The following GAP43 variants were observed in gnomAD, a reference collection of about 807,000 sequenced individuals.
The protein encoded by GAP43 is growth associated protein 43.
A neutral mutation model predicts 18.6 loss-of-function variants in GAP43; 6 were observed. The observed-to-expected ratio is 0.32, with a 90% CI of 0.18 to 0.64. GAP43 has a LOEUF of 0.64. Among genes scored for constraint, GAP43 ranks in the 30% least tolerant of loss-of-function variants. The pLI, the probability that GAP43 is intolerant of heterozygous loss-of-function variation, is 0.78. For synonymous variants in GAP43, 115 were observed against 111.4 expected (o/e 1.03, Z -0.20); for missense variants, 292 against 295.5 (o/e 0.99, Z 0.09).
chr3:115,708,800 T>C (rs867075004), intron 2 of GAP43, among the ~76,000 whole-genome samples: 8 of 152,142 alleles, frequency 5.3e-5, no homozygotes, highest in Middle Eastern at 3.4e-3. Flanking sequence ...AGCATGGACC[T>C]GGTAAAGAAG....
chr3:115,640,122 T>C (rs1332436351), intron 1 of GAP43, among the ~76,000 whole-genome samples: 1 of 152,080 alleles, frequency 6.6e-6, no homozygotes, highest in Non-Finnish European at 1.5e-5. Context: ...GTTGGGATAG[T>C]GTTCACTCAA....
Position 115,676,504 on chromosome 3 carries a change from C to T in GAP43, c.522C>T (p.Val174=), listed in dbSNP as rs368877074. 3.7e-6 allele frequency: 6 copies of T among 1,613,814 alleles called. No individual in the cohort carries two copies. Among genetic ancestry groups the T allele is most frequent in the African/African-American group, 2.7e-5 (2 of 74,912 alleles). The stretch of plus-strand genomic sequence containing the variant: ...AACAAGCCGATGTGCCTGCTGCTGT[C>T]ACTGCTGCTGCTGCCACCACCCCTG... ...EPKQADVPAA[V]TAAAATTPAA... is the part of the protein sequence containing the mutation. The change falls in exon 2 of 3, where the codon GTC becomes GTT. Residue 174 remains valine, a synonymous_variant. Transcript: ENST00000305124.
At chr3:115,659,539 C>T (rs986482556) in intron 1 of GAP43, among the ~76,000 whole-genome samples, 1 of 151,864 alleles carries the variant, frequency 6.6e-6, no homozygotes, top group South Asian at 2.1e-4. Context: ...TTAAACACTA[C>T]GATGTGATGG....
Position 115,676,388 on chromosome 3 carries a change from G to T in GAP43, c.406G>T (p.Gly136Cys). The T allele has an allele frequency of 6.2e-7, 1 of 1,613,912 alleles. No individual in the cohort carries two copies. Among genetic ancestry groups the T allele is most frequent in the Non-Finnish European group, 8.5e-7 (1 of 1,179,870 alleles). Reference protein sequence around the residue: ...QAPASSEEKAGSAETESATKA... With the variant: ...QAPASSEEKACSAETESATKA... Reference sequence around the variant, plus strand: ...TCCTGCATCCTCAGAGGAGAAGGCCGGCTCAGCTGAGACAGAAAGTGCCAC... The same window carrying T: ...TCCTGCATCCTCAGAGGAGAAGGCCTGCTCAGCTGAGACAGAAAGTGCCAC... The change falls in exon 2 of 3, where the codon GGC becomes TGC. Residue 136 changes from glycine to cysteine, a missense_variant. Transcript: ENST00000305124.
chr3:115,664,095 T>C (rs1708701318), intron 1 of GAP43, among the ~76,000 whole-genome samples: 1 of 152,090 alleles, frequency 6.6e-6, no homozygotes, highest in African/African-American at 2.4e-5. Context: ...TAGAATTGAA[T>C]TAGTTAATAT....
chr3:115,638,525 T>A (rs961938840), intron 1 of GAP43, among the ~76,000 whole-genome samples: 16 of 149,088 alleles, frequency 1.1e-4, no homozygotes, highest in Middle Eastern at 3.4e-3. Context: ...TTTTTTTTTT[T>A]ATCTTTTTGG....
intron 1 of GAP43, among the ~76,000 whole-genome samples, chr3:115,628,203 T>C (rs539602726): frequency 6.6e-6 from 1 of 152,164 alleles, no homozygotes; most frequent in South Asian, 2.1e-4. Flanking sequence ...CTAGTCTTAG[T>C]TGAGCCTTCT....
chr3:115,660,528 G>A, intron 1 of GAP43, among the ~76,000 whole-genome samples: 1 of 152,192 alleles, frequency 6.6e-6, no homozygotes, highest in Non-Finnish European at 1.5e-5. Flanking sequence ...TTGGAGTCAG[G>A]TTGGGATATG....
intron 2 of GAP43, among the ~76,000 whole-genome samples, chr3:115,707,321 GGCAGGCTCTT>G (rs1226228430): frequency 1.3e-5 from 2 of 152,130 alleles, no homozygotes; most frequent in Non-Finnish European, 2.9e-5. Flanking sequence ...TTCTATTTGA[GGCAGGCTCTT>G]GCTCTGTCAC....
At chr3:115,642,012 A>T (rs186116916) in intron 1 of GAP43, among the ~76,000 whole-genome samples, 25 of 152,088 alleles carry the variant, frequency 1.6e-4, no homozygotes, top group African/African-American at 6.0e-4. Context: ...CATGGTGCAG[A>T]TGTTAGGAGG....
chr3:115,690,816 T>C (rs532969020), intron 2 of GAP43, among the ~76,000 whole-genome samples: 37 of 144,346 alleles, frequency 2.6e-4, no homozygotes, highest in Non-Finnish European at 4.5e-4. Flanking sequence ...AGTGCAGTGG[T>C]GCAATCTCAG....
Position 115,676,379 on chromosome 3 carries a change from G to A in GAP43, c.397G>A (p.Glu133Lys), listed in dbSNP as rs1277013159. The change falls in exon 2 of 3, where the codon GAG (glutamate) becomes AAG (lysine). Residue 133 changes from glutamate to lysine, a missense_variant. By Grantham distance (56) the Glu-to-Lys change is moderately conservative. Transcript: ENST00000305124. Reference sequence around the variant, plus strand: ...CCCCCAGGCTCCTGCATCCTCAGAGGAGAAGGCCGGCTCAGCTGAGACAGA... The same window carrying A: ...CCCCCAGGCTCCTGCATCCTCAGAGAAGAAGGCCGGCTCAGCTGAGACAGA... ...AAPQAPASSE[E>K]KAGSAETESA... is the part of the protein sequence containing the mutation. 1.9e-6 allele frequency: 3 copies of A among 1,613,974 alleles called. No homozygotes were observed. Among genetic ancestry groups the A allele is most frequent in the Non-Finnish European group, 2.5e-6 (3 of 1,179,982 alleles).
At chr3:115,650,520 A>G (rs1384974484) in intron 1 of GAP43, among the ~76,000 whole-genome samples, 1 of 151,392 alleles carries the variant, frequency 6.6e-6, no homozygotes, top group African/African-American at 2.4e-5. Context: ...TCCCTCCCAT[A>G]CCATCTCCTA....
At position 115,703,700 on chromosome 3, in the gene GAP43, A is replaced by G. The variant is rs141963918; in HGVS notation, c.629-17094A>G. 3.6e-3 allele frequency among the ~76,000 whole-genome samples: 542 copies of G among 152,210 alleles called. 3 individuals carry two copies. The highest frequency in any genetic ancestry group is 0.012 in the African/African-American group (504 of 41,564). On this transcript the variant is annotated intron_variant, in intron 2 of 2. Coordinates refer to ENST00000305124, the MANE Select transcript of GAP43 (RefSeq NM_002045.4). The stretch of plus-strand genomic sequence containing the variant: ...ATGGCTTTATTGGAGAGAAAAAAAC[A>G]TTGGGTTCAGAAAAGTGAGGCATGA...
intron 2 of GAP43, among the ~76,000 whole-genome samples, chr3:115,705,571 C>T (rs1259963677): frequency 6.6e-6 from 1 of 152,056 alleles, no homozygotes; most frequent in Non-Finnish European, 1.5e-5. Context: ...TGATTGATCT[C>T]ATTAGATGAG....
chr3:115,676,020 A>T lies in GAP43; in HGVS notation c.38A>T (p.Lys13Ile). ...CTTCTTTTCTCGACAAAGGTTGAAAAAAATGATGACGACCAAAAGATTGAA... is the reference window on the plus strand; with the variant it reads ...CTTCTTTTCTCGACAAAGGTTGAAATAAATGATGACGACCAAAAGATTGAA... ...CCMRRTKQVE[K>I]NDDDQKIEQD... Residue 13 changes from lysine to isoleucine, a missense_variant, in exon 2 of 3, where the codon AAA becomes ATA. Lys to Ile is a moderately radical substitution (Grantham distance 102). Transcript: ENST00000305124. 1 of 1,595,496 alleles carries T rather than the reference A, an allele frequency of 6.3e-7. No homozygotes were observed. Among genetic ancestry groups the T allele is most frequent in the South Asian group, 1.1e-5 (1 of 87,350 alleles).
At chr3:115,717,901 C>A (rs917242335) in intron 2 of GAP43, among the ~76,000 whole-genome samples, 6 of 152,116 alleles carry the variant, frequency 3.9e-5, no homozygotes, top group African/African-American at 1.4e-4. Flanking sequence ...CAATGGATGA[C>A]AAGAGAAAGT....
intron 1 of GAP43, among the ~76,000 whole-genome samples, chr3:115,627,253 G>A (rs1272825229): frequency 6.7e-6 from 1 of 150,240 alleles, no homozygotes; most frequent in African/African-American, 2.5e-5. Context: ...ATGCCAGGGC[G>A]CATACACAAT....
intron 1 of GAP43, among the ~76,000 whole-genome samples, chr3:115,665,185 C>A (rs1051077892): frequency 6.6e-6 from 1 of 152,124 alleles, no homozygotes; most frequent in Non-Finnish European, 1.5e-5. Context: ...TAAGAAAAAT[C>A]ACTCAGCTCT....
Sources: allele counts gnomAD v4.1 joint callset (sites outside exome capture counted in the v4.1 genomes callset), GRCh38; gene constraint gnomAD v4.1.1; transcripts MANE v1.5; gene names NCBI Gene and HGNC (gene_info 2026-07-23, HGNC 2026-07-21).